FAM167A: variants seen among roughly 807,000 people sequenced by gnomAD.
FAM167A encodes the protein family with sequence similarity 167 member A.
A neutral mutation model predicts 14.9 loss-of-function variants in FAM167A; 23 were observed. The observed-to-expected ratio is 1.55, with a 90% confidence interval of 1.11 to 2.19. The LOEUF (loss-of-function observed/expected upper bound fraction) is 2.19, where lower values mean the gene tolerates loss of function less well. FAM167A is among the 30% of genes most tolerant of loss of function. The pLI is 0.00. For synonymous variants in FAM167A, 174 were observed against 117.7 expected (o/e 1.48, Z -3.10); for missense variants, 401 against 281.5 (o/e 1.42, Z -3.04).
At chr8:11,428,452 C>T (rs186651827) in intron 2 of FAM167A, among the ~76,000 whole-genome samples, 1 of 152,352 alleles carries the variant, frequency 6.6e-6, no homozygotes, top group African/African-American at 2.4e-5. Context: ...GCATTCAATT[C>T]TGCGTAAGGG....
chr8:11,445,057 T>C, intron 1 of FAM167A: 2 of 913,628 alleles, frequency 2.2e-6, no homozygotes, highest in Non-Finnish European at 2.6e-6. Flanking sequence ...TACTATCTTA[T>C]TTAATGCCCC....
chr8:11,456,603 GC>G (rs1807323479), intron 1 of FAM167A, among the ~76,000 whole-genome samples: 1 of 149,618 alleles, frequency 6.7e-6, no homozygotes, highest in Admixed American at 6.7e-5. Context: ...GTGGGTAGCT[GC>G]CCTGCTAGGT....
chr8:11,451,882 G>C (rs1158698309), intron 1 of FAM167A, among the ~76,000 whole-genome samples: 1 of 152,144 alleles, frequency 6.6e-6, no homozygotes, highest in Non-Finnish European at 1.5e-5. Context: ...CCTGTTTTCT[G>C]GTCTTTACCT....
chr8:11,445,926 G>T (rs1165311257), intron 1 of FAM167A, among the ~76,000 whole-genome samples: 2 of 150,856 alleles, frequency 1.3e-5, no homozygotes, highest in East Asian at 1.9e-4. Context: ...AAGATTCTCA[G>T]CAGCCTGGAG....
At chr8:11,435,924 A>C (rs757771058) in intron 2 of FAM167A, among the ~76,000 whole-genome samples, 6 of 152,202 alleles carry the variant, frequency 3.9e-5, no homozygotes, top group Non-Finnish European at 8.8e-5. Context: ...GTCTTCATAC[A>C]CAGAACCACA....
At chr8:11,443,825 G>A (rs962661568) in intron 2 of FAM167A, 4 of 611,054 alleles carry the variant, frequency 6.5e-6, no homozygotes, top group Non-Finnish European at 8.4e-6. Flanking sequence ...GCAATTAGGG[G>A]CTGATGACAC....
At chr8:11,447,663 G>A (rs973848450) in intron 1 of FAM167A, among the ~76,000 whole-genome samples, 1 of 152,220 alleles carries the variant, frequency 6.6e-6, no homozygotes, top group African/African-American at 2.4e-5. Context: ...TCACAGGCAG[G>A]TGCCAGCAGC....
intron 1 of FAM167A, among the ~76,000 whole-genome samples, chr8:11,463,852 T>G (rs1424196899): frequency 6.6e-6 from 1 of 152,182 alleles, no homozygotes; most frequent in African/African-American, 2.4e-5. Flanking sequence ...AGGGACCTTC[T>G]GGAAATTCCT....
At chr8:11,448,343 A>G (rs1039334876) in intron 1 of FAM167A, among the ~76,000 whole-genome samples, 3 of 152,226 alleles carry the variant, frequency 2.0e-5, no homozygotes, top group Non-Finnish European at 2.9e-5. Flanking sequence ...CAGGGATTCA[A>G]TAAGGTTACA....
intron 1 of FAM167A, among the ~76,000 whole-genome samples, chr8:11,451,130 A>G (rs1807007472): frequency 1.3e-5 from 2 of 152,132 alleles, no homozygotes; most frequent in South Asian, 4.1e-4. Flanking sequence ...GGGCGTGGGG[A>G]GACACAGGAT....
intron 2 of FAM167A, among the ~76,000 whole-genome samples, chr8:11,430,746 G>C (rs1331533387): frequency 6.6e-6 from 1 of 152,150 alleles, no homozygotes; most frequent in Non-Finnish European, 1.5e-5. Context: ...TACGTGGTGA[G>C]GGGAGGGTGT....
chr8:11,461,140 G>C (rs140547482), intron 1 of FAM167A, among the ~76,000 whole-genome samples: 1 of 152,346 alleles, frequency 6.6e-6, no homozygotes, highest in African/African-American at 2.4e-5. Flanking sequence ...CTGCAAGGCG[G>C]GGAGAAAGCC....
intron 2 of FAM167A, among the ~76,000 whole-genome samples, chr8:11,427,160 A>T (rs1471552945): frequency 6.6e-6 from 1 of 152,128 alleles, no homozygotes; most frequent in Non-Finnish European, 1.5e-5. Flanking sequence ...CCTTTGGCTT[A>T]GTGATTGTGG....
intron 2 of FAM167A, among the ~76,000 whole-genome samples, chr8:11,436,026 C>A (rs1023351833): frequency 1.3e-5 from 2 of 152,184 alleles, no homozygotes; most frequent in African/African-American, 4.8e-5. Context: ...TTTTGCTCCT[C>A]ACAGCCTGGC....
At chr8:11,473,222 G>T (rs1377102938) in intron 1 of FAM167A, among the ~76,000 whole-genome samples, 1 of 152,162 alleles carries the variant, frequency 6.6e-6, no homozygotes, top group South Asian at 2.1e-4. Context: ...CATCTCCATC[G>T]GCCAATCCCT....
At chr8:11,430,457 A>T (rs1165910439) in intron 2 of FAM167A, among the ~76,000 whole-genome samples, 1 of 152,216 alleles carries the variant, frequency 6.6e-6, no homozygotes, top group African/African-American at 2.4e-5. Flanking sequence ...TGAAGTGTTG[A>T]AATGTTCTAA....
At chr8:11,454,038 T>C (rs545627634) in intron 1 of FAM167A, among the ~76,000 whole-genome samples, 2 of 152,336 alleles carry the variant, frequency 1.3e-5, no homozygotes, top group East Asian at 3.9e-4. Flanking sequence ...TCTGCAGGTA[T>C]AACTGGGTTC....
intron 1 of FAM167A, among the ~76,000 whole-genome samples, chr8:11,462,731 A>T (rs561594150): frequency 1.3e-5 from 2 of 152,252 alleles, no homozygotes; most frequent in East Asian, 3.9e-4. Flanking sequence ...ACCTAGATGT[A>T]TTCAAATCAG....
chr8:11,440,639 C>T (rs987482952), intron 2 of FAM167A, among the ~76,000 whole-genome samples: 40 of 152,340 alleles, frequency 2.6e-4, no homozygotes, highest in African/African-American at 8.4e-4. Flanking sequence ...CTGCCTTCTC[C>T]TGCAGTCAAA....
Sources: allele counts gnomAD v4.1 joint callset (sites outside exome capture counted in the v4.1 genomes callset), GRCh38; gene constraint gnomAD v4.1.1; transcripts MANE v1.5; gene names NCBI Gene and HGNC (gene_info 2026-07-23, HGNC 2026-07-21).